PPP1R36: variants seen among roughly 807,000 people sequenced by gnomAD.
PPP1R36 encodes chromosome 14 open reading frame 50.
Under a neutral mutation model 53.4 loss-of-function variants are expected in PPP1R36, and 47 were observed. That is an observed-to-expected ratio of 0.88 (90% CI 0.70 to 1.12). The LOEUF (loss-of-function observed/expected upper bound fraction) is 1.12. Among genes scored for constraint, PPP1R36 ranks in the 50% most tolerant of loss-of-function variants. The probability of loss-of-function intolerance (pLI) is 0.00; values close to 1 mark genes in which losing one functional copy is unlikely to be tolerated. For synonymous variants in PPP1R36, 153 were observed against 170.5 expected, an observed-to-expected ratio of 0.90 and a Z score of 0.80; for missense variants, 456 against 513.9, an observed-to-expected ratio of 0.89 and a Z score of 1.09.
intron 3 of PPP1R36, among the ~76,000 whole-genome samples, chr14:64,562,694 T>C (rs1035688313): frequency 6.6e-6 from 1 of 152,032 alleles, no homozygotes; most frequent in Non-Finnish European, 1.5e-5. Flanking sequence ...AATGCCAGAC[T>C]ATTGGCTAAG....
chr14:64,586,407 G>A (rs1017843555), intron 8 of PPP1R36: 1 of 154,752 alleles, frequency 6.5e-6, no homozygotes, highest in Non-Finnish European at 1.4e-5. Context: ...ATAGATCTTT[G>A]TGGATTTTGT....
intron 3 of PPP1R36, chr14:64,559,397 G>T (rs963425842): frequency 6.6e-6 from 1 of 152,412 alleles, no homozygotes; most frequent in Non-Finnish European, 1.5e-5. Context: ...ACTGGGCTGG[G>T]CACCAGGGCT....
In PPP1R36 at chr14:64,568,371, C is replaced by T. The variant is rs1596735308; in HGVS notation, c.457C>T (p.Leu153Phe). The change falls in exon 7 of 12, where the codon CTC becomes TTC. Residue 153 changes from leucine (L) to phenylalanine (F), a missense_variant. Transcript: ENST00000298705. ...TAGGAATAAGAATCTTGATAATTTC[C>T]TCATGGCATTATTGTACTACTTATC... is the stretch of plus-strand genomic sequence containing the variant. ...FMRNKNLDNF[L>F]MALLYYLSHY... The T allele has an allele frequency of 6.5e-7, 1 of 1,530,146 alleles. No individual in the cohort carries two copies. Among genetic ancestry groups the T allele is most frequent in the Non-Finnish European group, 8.9e-7 (1 of 1,127,852 alleles). 94.8% of individuals were successfully genotyped at this position (1,530,146 alleles called of 1,614,324 possible). A position where few individuals can be genotyped will look rare whatever the true frequency, so the allele number is the denominator to read the frequency against.
intron 6 of PPP1R36, 97 bp downstream of exon 6, chr14:64,565,789 G>C: frequency 1.1e-6 from 1 of 938,614 alleles, no homozygotes; most frequent in Admixed American, 2.0e-5. Context: ...TAGAGGAAGA[G>C]CGTGAGGCTG....
intron 1 of PPP1R36, 197 bp downstream of exon 1, chr14:64,550,263 A>G: frequency 7.2e-7 from 1 of 1,379,318 alleles, no homozygotes; most frequent in Non-Finnish European, 9.4e-7. Flanking sequence ...GATGGTCAGA[A>G]TTGAATTCTG....
At chr14:64,569,381 C>G (rs755435435) in intron 7 of PPP1R36, among the ~76,000 whole-genome samples, 34 of 152,142 alleles carry the variant, frequency 2.2e-4, no homozygotes, top group African/African-American at 1.9e-4. Context: ...TGTATACAAT[C>G]AAGCAGTTGG....
intron 7 of PPP1R36, among the ~76,000 whole-genome samples, chr14:64,569,196 T>A (rs2080283939): frequency 6.6e-6 from 1 of 152,154 alleles, no homozygotes; most frequent in Non-Finnish European, 1.5e-5. Context: ...GAACTCAGAA[T>A]ACAGAGCAGA....
chr14:64,568,557 T>A, intron 7 of PPP1R36, 110 bp downstream of exon 7: 1 of 486,768 alleles, frequency 2.1e-6, no homozygotes, highest in Non-Finnish European at 3.6e-6. Flanking sequence ...TGAGATGTAC[T>A]AAGACATTTT....
At chr14:64,587,124 T>C (rs2080439280) in intron 9 of PPP1R36, 70 bp from the exon 10 acceptor site, 2 of 1,221,618 alleles carry the variant, frequency 1.6e-6, no homozygotes, top group Non-Finnish European at 2.3e-6. Flanking sequence ...CTTAGCTGTG[T>C]TATACAGACA....
chr14:64,588,230 A>G lies in PPP1R36; in HGVS notation c.1017A>G (p.Val339=). ...TCTTTGAGAAAAAGTATCATCAAGT[A>G]GACGTCAGATTCCCAGCCGAGATGC... ...QNVFEKKYHQ[V]DVRFPAEMQK... Residue 339 remains valine (V), a synonymous_variant, in exon 11 of 12, where the codon GTA becomes GTG. Coordinates refer to ENST00000298705, the MANE Select transcript of PPP1R36 (RefSeq NM_172365.3). 1.2e-6 allele frequency: 2 copies of G among 1,614,164 alleles called. No individual in the cohort carries two copies. The highest frequency in any genetic ancestry group is 1.1e-5 in the South Asian group (1 of 91,058).
At chr14:64,582,665 C>T (rs555211488) in intron 8 of PPP1R36, among the ~76,000 whole-genome samples, 19 of 152,212 alleles carry the variant, frequency 1.2e-4, no homozygotes, top group African/African-American at 4.6e-4. Flanking sequence ...AGAAATATTG[C>T]TTCTATATTG....
In PPP1R36 at chr14:64,552,821, G is replaced by A. The variant is rs148124498; in HGVS notation, c.142G>A (p.Ala48Thr). 1.7e-4 allele frequency: 278 copies of A among 1,613,364 alleles called. 2 individuals are homozygous for A. The highest frequency in any genetic ancestry group is 2.3e-4 in the South Asian group (21 of 91,052). ...TRTLEFRRFA[A>T]EDSVQWLLKH... ...TTCAGTTTTCTTTCTCAGGTTTGCC[G>A]CAGAAGATTCTGTCCAGTGGCTCCT... is the stretch of plus-strand genomic sequence containing the variant. Residue 48 changes from alanine to threonine, a missense_variant, in exon 3 of 12, where the codon GCA becomes ACA. By Grantham distance (58) the Ala-to-Thr change is moderately conservative (BLOSUM62 0). Coordinates refer to ENST00000298705, the MANE Select transcript of PPP1R36 (RefSeq NM_172365.3).
intron 2 of PPP1R36, among the ~76,000 whole-genome samples, chr14:64,551,891 A>C (rs990724563): frequency 5.3e-5 from 8 of 152,336 alleles, no homozygotes; most frequent in Admixed American, 3.3e-4. Flanking sequence ...AGAATCTGCT[A>C]GATTCAAGCA....
In PPP1R36 at chr14:64,588,218, G is replaced by C; in HGVS notation, c.1005G>C (p.Lys335Asn). ...AAGCTCAAAACGTCTTTGAGAAAAA[G>C]TATCATCAAGTAGACGTCAGATTCC... ...REKAQNVFEK[K>N]YHQVDVRFPA... The change falls in exon 11 of 12, where the codon AAG becomes AAC. Residue 335 changes from lysine to asparagine, a missense_variant. By Grantham distance (94) the Lys-to-Asn change is moderately conservative. Coordinates refer to ENST00000298705, the MANE Select transcript of PPP1R36 (RefSeq NM_172365.3). The C allele has an allele frequency of 6.2e-7, 1 of 1,614,134 alleles. No individual in the cohort carries two copies. The highest frequency in any genetic ancestry group is 8.5e-7 in the Non-Finnish European group (1 of 1,179,994).
intron 6 of PPP1R36, among the ~76,000 whole-genome samples, chr14:64,566,770 G>A (rs1370355726): frequency 1.3e-5 from 2 of 152,192 alleles, no homozygotes; most frequent in Admixed American, 1.3e-4. Flanking sequence ...GGCCTGAAGG[G>A]CTCATTCCAC....
intron 6 of PPP1R36, among the ~76,000 whole-genome samples, chr14:64,566,615 C>T (rs2080259440): frequency 6.6e-6 from 1 of 152,182 alleles, no homozygotes; most frequent in South Asian, 2.1e-4. Context: ...ATTGTGGGCC[C>T]TTTGTATGGC....
Position 64,583,441 on chromosome 14 carries a change from G to A in PPP1R36, c.669-3396G>A, listed in dbSNP as rs534683814. Among the ~76,000 whole-genome samples, 8 of 152,228 alleles carry A rather than the reference G, an allele frequency of 5.3e-5. No homozygotes were observed. In the South Asian group the frequency reaches 1.7e-3, roughly 32 times the overall value. On this transcript the variant is annotated intron_variant, in intron 8 of 11. Transcript: ENST00000298705. ...CTATTTCATATGCAGGGCTAAATCA[G>A]AATGGCAAGAAGAAACCCATGACAT...
intron 3 of PPP1R36, chr14:64,561,834 T>C (rs762005410): frequency 2.2e-6 from 1 of 456,020 alleles, no homozygotes; most frequent in South Asian, 1.5e-5. Flanking sequence ...TGCCTGAATG[T>C]TTGCCAAGGT....
At chr14:64,555,422 G>C (rs1435781615) in intron 3 of PPP1R36, among the ~76,000 whole-genome samples, 2 of 129,684 alleles carry the variant, frequency 1.5e-5, no homozygotes, top group Non-Finnish European at 3.3e-5. Context: ...GTTCTGTTGA[G>C]AAATAACTCT....
Sources: allele counts gnomAD v4.1 joint callset (sites outside exome capture counted in the v4.1 genomes callset), GRCh38; gene constraint gnomAD v4.1.1; transcripts MANE v1.5; gene names NCBI Gene and HGNC (gene_info 2026-07-23, HGNC 2026-07-21).